The following PPP2R5E variants were observed in gnomAD, a reference collection of about 807,000 sequenced individuals.
PPP2R5E encodes the protein serine/threonine-protein phosphatase 2A 56 kDa regulatory subunit epsilon isoform.
A neutral mutation model predicts 65.3 loss-of-function variants in PPP2R5E; 4 were observed. The ratio of observed to expected loss-of-function variants is 0.06; its 90% CI spans 0.03 to 0.14. The LOEUF (loss-of-function observed/expected upper bound fraction) is 0.14, where lower values mean the gene tolerates loss of function less well. Ranked by LOEUF, PPP2R5E falls within the 10% of genes least tolerant of loss-of-function variation. The pLI is 1.00. For synonymous variants in PPP2R5E, 183 were observed against 187.4 expected, an observed-to-expected ratio of 0.98 and a Z score of 0.19; for missense variants, 274 against 556.1, an observed-to-expected ratio of 0.49 and a Z score of 5.10.
intron 3 of PPP2R5E, among the ~76,000 whole-genome samples, chr14:63,428,539 A>AGG (rs1270897830): frequency 6.6e-6 from 1 of 152,162 alleles, no homozygotes; most frequent in Non-Finnish European, 1.5e-5. Flanking sequence ...CCTCTACTGA[A>AGG]GGGGCAAGGT....
chr14:63,436,163 T>C (rs1320659717), intron 3 of PPP2R5E, among the ~76,000 whole-genome samples: 1 of 152,198 alleles, frequency 6.6e-6, no homozygotes, highest in Non-Finnish European at 1.5e-5. Context: ...ATTGAGTGTT[T>C]TCTGTAAAAG....
At chr14:63,396,555 TCTC>T in intron 6 of PPP2R5E, 28 bp downstream of exon 6, 1 of 1,606,580 alleles carries the variant, frequency 6.2e-7, no homozygotes, top group Non-Finnish European at 8.5e-7. Context: ...CAACTTTGCT[TCTC>T]CTTCTTCCCC....
intron 3 of PPP2R5E, among the ~76,000 whole-genome samples, chr14:63,429,843 C>A (rs1887535167): frequency 6.6e-6 from 1 of 152,056 alleles, no homozygotes; most frequent in African/African-American, 2.4e-5. Context: ...CCACCACGTC[C>A]AGCTAATTTT....
chr14:63,511,285 C>A (rs1273069704), intron 2 of PPP2R5E, among the ~76,000 whole-genome samples: 1 of 152,128 alleles, frequency 6.6e-6, no homozygotes, highest in Non-Finnish European at 1.5e-5. Context: ...GTGGAGAACC[C>A]CAGGCTTTAG....
intron 12 of PPP2R5E, among the ~76,000 whole-genome samples, chr14:63,382,788 G>C (rs569079275): frequency 6.6e-6 from 1 of 152,102 alleles, no homozygotes; most frequent in South Asian, 2.1e-4. Context: ...TAATAGTAAA[G>C]CAATTTCACC....
intron 6 of PPP2R5E, among the ~76,000 whole-genome samples, chr14:63,396,384 T>C (rs1426934217): frequency 3.7e-5 from 2 of 53,864 alleles, no homozygotes; most frequent in Non-Finnish European, 6.7e-5. Context: ...GAGGAGAAGA[T>C]GGGGGAGGAG....
At chr14:63,436,751 A>C (rs1274393892) in intron 3 of PPP2R5E, among the ~76,000 whole-genome samples, 1 of 152,196 alleles carries the variant, frequency 6.6e-6, no homozygotes, top group South Asian at 2.1e-4. Flanking sequence ...AAACCAAGAG[A>C]AGGATCTAGG....
At chr14:63,458,824 A>G (rs1181279290) in intron 2 of PPP2R5E, among the ~76,000 whole-genome samples, 2 of 152,190 alleles carry the variant, frequency 1.3e-5, no homozygotes, top group Non-Finnish European at 2.9e-5. Flanking sequence ...TTATATTTCC[A>G]TTCAAAAGAT....
intron 5 of PPP2R5E, among the ~76,000 whole-genome samples, chr14:63,403,095 G>A (rs917480974): frequency 6.6e-6 from 1 of 152,090 alleles, no homozygotes; most frequent in East Asian, 1.9e-4. Context: ...AAACATCTGG[G>A]AAAGTTCCAA....
rs1029888184 is a variant in PPP2R5E at position 63,382,477 on chromosome 14, C to T, written c.1203-320G>A. The stretch of plus-strand genomic sequence containing the variant: ...AGTGCAATGGCACCATCTTGGCTCA[C>T]CGCAACCTCCGCCTCTTGGGTTCAA... On this transcript the variant is annotated intron_variant, in intron 12 of 13. Transcript: ENST00000337537. Among the ~76,000 whole-genome samples the T allele has an allele frequency of 4.0e-5, 6 of 151,742 alleles. No homozygotes were observed. The East Asian group carries it at 1.2e-3, about 29-fold the overall frequency.
chr14:63,381,357 T>G (rs1884346410), intron 13 of PPP2R5E, among the ~76,000 whole-genome samples: 1 of 152,172 alleles, frequency 6.6e-6, no homozygotes, highest in African/African-American at 2.4e-5. Flanking sequence ...TTCCCCCTGC[T>G]ATTGGAGTGA....
chr14:63,522,947 G>A (rs1416451477), intron 2 of PPP2R5E, among the ~76,000 whole-genome samples: 18 of 147,090 alleles, frequency 1.2e-4, no homozygotes, highest in South Asian at 4.7e-4. Context: ...CGCCCCGTCC[G>A]GGAGGGAGGT....
chr14:63,430,979 G>C (rs1594867038), intron 3 of PPP2R5E, among the ~76,000 whole-genome samples: 1 of 151,880 alleles, frequency 6.6e-6, no homozygotes, highest in Non-Finnish European at 1.5e-5. Flanking sequence ...TAGTATAAAG[G>C]CATGTCCTGG....
intron 2 of PPP2R5E, among the ~76,000 whole-genome samples, chr14:63,469,508 C>T (rs1223284343): frequency 1.4e-4 from 22 of 152,150 alleles, no homozygotes; most frequent in Admixed American, 9.2e-4. Flanking sequence ...CTGGCTAACA[C>T]GGTGAAAACC....
chr14:63,522,435 T>C (rs1161915368), intron 2 of PPP2R5E, among the ~76,000 whole-genome samples: 1 of 144,386 alleles, frequency 6.9e-6, no homozygotes, highest in South Asian at 2.3e-4. Flanking sequence ...CCCCTCTGCC[T>C]GGCTGCCCAG....
At chr14:63,501,137 T>C (rs540988745) in intron 2 of PPP2R5E, among the ~76,000 whole-genome samples, 6 of 152,078 alleles carry the variant, frequency 3.9e-5, no homozygotes, top group Non-Finnish European at 8.8e-5. Flanking sequence ...CAGTGGCTCA[T>C]GCCTGTAATC....
intron 2 of PPP2R5E, among the ~76,000 whole-genome samples, chr14:63,480,081 A>G (rs1183286229): frequency 6.6e-6 from 1 of 152,208 alleles, no homozygotes; most frequent in Non-Finnish European, 1.5e-5. Context: ...CAGGATCAAA[A>G]ATTACCAACC....
rs1377072254 is a variant in PPP2R5E, at chr14:63,371,453, G to A, written c.*4556C>T. On this transcript the variant is annotated 3_prime_UTR_variant, in exon 14 of 14. Coordinates refer to ENST00000337537, the MANE Select transcript of PPP2R5E (RefSeq NM_006246.5). ...GGGGAAGGTTACATTTCTTTTTGGG[G>A]AGCACCTTCATTTTTGTTTCTGTTA... The A allele has an allele frequency of 6.6e-6, 1 of 152,142 alleles. No homozygotes were observed. Among genetic ancestry groups the A allele is most frequent in the Non-Finnish European group, 1.5e-5 (1 of 68,022 alleles). 9.4% of individuals were successfully genotyped at this position (152,142 alleles called of 1,614,324 possible). A position where few individuals can be genotyped will look rare whatever the true frequency, so the allele number is the denominator to read the frequency against.
chr14:63,515,006 A>T (rs1309894007), intron 2 of PPP2R5E, among the ~76,000 whole-genome samples: 1 of 151,902 alleles, frequency 6.6e-6, no homozygotes, highest in African/African-American at 2.4e-5. Context: ...TCATAACTCT[A>T]CCCTGCTGAA....
Sources: allele counts gnomAD v4.1 joint callset (sites outside exome capture counted in the v4.1 genomes callset), GRCh38; gene constraint gnomAD v4.1.1; transcripts MANE v1.5; gene names NCBI Gene and HGNC (gene_info 2026-07-23, HGNC 2026-07-21).